The following CYP2C18 variants were observed in gnomAD, a reference collection of about 807,000 sequenced individuals.
CYP2C18 encodes the protein cytochrome P450 family 2 subfamily C member 18, also known as cytochrome P450 2C18.
In CYP2C18, 38 loss-of-function variants were observed where a neutral mutation model predicts 41.3. The observed-to-expected ratio is 0.92, with a 90% CI of 0.71 to 1.21. CYP2C18 has a LOEUF of 1.21. CYP2C18 is among the 50% of genes most tolerant of loss of function. CYP2C18 has a pLI of 0.00. For missense variants in CYP2C18, 635 were observed against 591.4 expected (o/e 1.07, Z -0.77); for synonymous variants, 236 against 210.0 (o/e 1.12, Z -1.07).
At chr10:94,686,383 C>T (rs549021268) in intron 1 of CYP2C18, among the ~76,000 whole-genome samples, 30 of 152,240 alleles carry the variant, frequency 2.0e-4, no homozygotes, top group South Asian at 4.1e-4. Context: ...CTTTCCTATA[C>T]GAATATTCCT....
chr10:94,713,585 G>A, intron 5 of CYP2C18, among the ~76,000 whole-genome samples: 1 of 152,142 alleles, frequency 6.6e-6, no homozygotes. Flanking sequence ...TATCACTGAT[G>A]GACATTTGGG....
At chr10:94,686,156 AAATT>A (rs1246431851) in intron 1 of CYP2C18, among the ~76,000 whole-genome samples, 1 of 152,092 alleles carries the variant, frequency 6.6e-6, no homozygotes, top group Non-Finnish European at 1.5e-5. Flanking sequence ...ATGCTACTAT[AAATT>A]AATTGTTCTC....
chr10:94,716,194 C>G (rs1847539651), intron 5 of CYP2C18, among the ~76,000 whole-genome samples: 2 of 152,120 alleles, frequency 1.3e-5, no homozygotes, highest in South Asian at 4.1e-4. Flanking sequence ...CAGTTCTGCT[C>G]TGATCTTAGT....
In CYP2C18 at chr10:94,726,010, G is replaced by A. The variant is rs565306605; in HGVS notation, c.1149+1477G>A. ...ATTCTTTTTGTGCTCACTTAGTTCT[G>A]TCTTTGGAGTGACTCATAAATTTTG... is the stretch of plus-strand genomic sequence containing the variant. On this transcript the variant is annotated intron_variant, in intron 7 of 8. Coordinates refer to ENST00000285979, the MANE Select transcript of CYP2C18 (RefSeq NM_000772.3). 5.3e-5 allele frequency among the ~76,000 whole-genome samples: 8 copies of A among 151,978 alleles called. No homozygotes were observed. The South Asian group carries it at 1.7e-3, about 32-fold the overall frequency.
rs144714232 is a variant in CYP2C18 at position 94,708,877 on chromosome 10, A to G, written c.819+1917A>G. Reference sequence around the variant, plus strand: ...TTCTGTCACTTAGCACAATGTTTTCAAGGTTCATTGACATAGCATGTATCA... The same window carrying G: ...TTCTGTCACTTAGCACAATGTTTTCGAGGTTCATTGACATAGCATGTATCA... On this transcript the variant is annotated intron_variant, in intron 5 of 8. Coordinates refer to ENST00000285979, the MANE Select transcript of CYP2C18 (RefSeq NM_000772.3). Among the ~76,000 whole-genome samples the G allele has an allele frequency of 3.4e-3, 513 of 152,292 alleles. 1 individual carries two copies. The highest frequency in any genetic ancestry group is 0.012 in the African/African-American group (497 of 41,574).
chr10:94,724,615 C>A, intron 7 of CYP2C18, 82 bp downstream of exon 7: 1 of 1,289,690 alleles, frequency 7.8e-7, no homozygotes, highest in Non-Finnish European at 1.1e-6. Context: ...TCTAACAACA[C>A]ATGATGAGAG....
intron 7 of CYP2C18, among the ~76,000 whole-genome samples, chr10:94,731,736 A>G (rs1847836590): frequency 1.3e-5 from 2 of 152,192 alleles, no homozygotes; most frequent in Admixed American, 1.3e-4. Context: ...CCTATTCAAT[A>G]AATGATGCTG....
chr10:94,723,598 G>A (rs1229907837), intron 6 of CYP2C18, among the ~76,000 whole-genome samples: 1 of 152,050 alleles, frequency 6.6e-6, no homozygotes, highest in African/African-American at 2.4e-5. Flanking sequence ...AATAATAATG[G>A]TGTGAACATG....
At chr10:94,710,345 G>T (rs1233081505) in intron 5 of CYP2C18, among the ~76,000 whole-genome samples, 3 of 152,082 alleles carry the variant, frequency 2.0e-5, no homozygotes, top group African/African-American at 7.2e-5. Flanking sequence ...AGATTGTTTT[G>T]GTTCTTAGCT....
intron 4 of CYP2C18, among the ~76,000 whole-genome samples, chr10:94,695,904 T>C (rs1483760105): frequency 2.0e-5 from 3 of 152,006 alleles, no homozygotes; most frequent in African/African-American, 7.2e-5. Flanking sequence ...CAGTCTGAGA[T>C]CAAACTGCAA....
intron 7 of CYP2C18, among the ~76,000 whole-genome samples, chr10:94,729,120 T>C (rs1384868761): frequency 1.3e-5 from 2 of 152,130 alleles, no homozygotes; most frequent in Non-Finnish European, 2.9e-5. Context: ...AACACTGTTG[T>C]TGATGGTCCA....
chr10:94,724,428 A>C lies in CYP2C18; in HGVS notation c.1044A>C (p.Thr348=). The change falls in exon 7 of 9, where the codon ACA becomes ACC. Residue 348 remains threonine, a synonymous_variant. Transcript: ENST00000285979. The part of the protein sequence containing the change: ...CMQDRSHMPY[T]DAVVHEIQRY... ...AGGACAGGAGTCACATGCCCTACAC[A>C]GATGCTGTGGTGCACGAGATCCAGA... is the stretch of plus-strand genomic sequence containing the variant. The C allele has an allele frequency of 3.1e-6, 5 of 1,613,668 alleles. No homozygotes were observed. The highest frequency in any genetic ancestry group is 4.2e-6 in the Non-Finnish European group (5 of 1,179,726).
chr10:94,715,926 C>A (rs181965652), intron 5 of CYP2C18, among the ~76,000 whole-genome samples: 1 of 151,982 alleles, frequency 6.6e-6, no homozygotes, highest in Non-Finnish European at 1.5e-5. Flanking sequence ...GTGTATGTGT[C>A]GAGAAATTTA....
At chr10:94,701,362 C>T (rs1006932557) in intron 4 of CYP2C18, among the ~76,000 whole-genome samples, 18 of 152,106 alleles carry the variant, frequency 1.2e-4, no homozygotes, top group Admixed American at 4.6e-4. Flanking sequence ...AGCAAACTAT[C>T]GCAAGGACAA....
chr10:94,726,731 A>G (rs1008499708), intron 7 of CYP2C18, among the ~76,000 whole-genome samples: 1 of 152,102 alleles, frequency 6.6e-6, no homozygotes, highest in African/African-American at 2.4e-5. Flanking sequence ...TGCAAGCCTG[A>G]GTAATTTTTG....
Position 94,735,472 on chromosome 10 carries a change from G to A in CYP2C18, c.*28G>A. On this transcript the variant is annotated 3_prime_UTR_variant, in exon 9 of 9. Coordinates refer to ENST00000285979, the MANE Select transcript of CYP2C18 (RefSeq NM_000772.3). ...AAGGGCAGATAGTTTGGCTGCTCCT[G>A]TGCTGTCACCTGCAATTCTCCCTTA... The A allele has an allele frequency of 1.9e-6, 3 of 1,610,612 alleles. No individual in the cohort carries two copies. The highest frequency in any genetic ancestry group is 2.5e-6 in the Non-Finnish European group (3 of 1,177,180).
At position 94,708,949 on chromosome 10, in the gene CYP2C18, A is replaced by G. The variant is rs541893501; in HGVS notation, c.819+1989A>G. Among the ~76,000 whole-genome samples, 21 of 152,270 alleles carry G rather than the reference A, an allele frequency of 1.4e-4. No homozygotes were observed. In the South Asian group the frequency reaches 3.5e-3, roughly 26 times the overall value. On this transcript the variant is annotated intron_variant, in intron 5 of 8. Transcript: ENST00000285979. ...TCAAATAATATTTGGGTGTGGCTATATCATATTTTATATTTCCATTCATTA... is the reference window on the plus strand; with the variant it reads ...TCAAATAATATTTGGGTGTGGCTATGTCATATTTTATATTTCCATTCATTA...
At chr10:94,707,427 G>T (rs1847363752) in intron 5 of CYP2C18, among the ~76,000 whole-genome samples, 1 of 152,092 alleles carries the variant, frequency 6.6e-6, no homozygotes, top group African/African-American at 2.4e-5. Context: ...GTGTGTGGTG[G>T]CAAAGAGATG....
In CYP2C18 at chr10:94,709,448, G is replaced by A. The variant is rs374578837; in HGVS notation, c.819+2488G>A. On this transcript the variant is annotated intron_variant, in intron 5 of 8. Transcript: ENST00000285979. ...GACCTTTTGTCCGTTTTTAAATTAG[G>A]TTATTATATTTTTAAAATTATTGAG... 2.1e-3 allele frequency among the ~76,000 whole-genome samples: 320 copies of A among 149,446 alleles called. 2 individuals carry two copies. Among genetic ancestry groups the A allele is most frequent in the African/African-American group, 7.0e-3 (273 of 39,080 alleles).
Sources: gnomAD v4.1 joint callset for allele counts (sites outside exome capture counted in the v4.1 genomes callset) on GRCh38, gnomAD v4.1.1 for gene constraint, MANE v1.5 for transcripts, NCBI Gene and HGNC (gene_info 2026-07-23, HGNC 2026-07-21) for gene names.